The following MLXIPL variants were observed in gnomAD, a reference collection of about 807,000 sequenced individuals.
The protein encoded by MLXIPL is MLX interacting protein like.
Under a neutral mutation model 81.5 loss-of-function variants are expected in MLXIPL, and 49 were observed. The ratio of observed to expected loss-of-function variants is 0.60; its 90% CI spans 0.48 to 0.76. The LOEUF is 0.76. Ranked by LOEUF, MLXIPL falls within the 30% of genes least tolerant of loss-of-function variation. MLXIPL has a pLI of 0.00. For synonymous variants in MLXIPL, 466 were observed against 485.5 expected, an observed-to-expected ratio of 0.96 and a Z score of 0.53; for missense variants, 1,053 against 1,167.0, an observed-to-expected ratio of 0.90 and a Z score of 1.42.
At chr7:73,646,761 C>T in the MLXIPL span, among the ~76,000 whole-genome samples, 1 of 152,202 alleles carries the variant, frequency 6.6e-6, no homozygotes, top group Non-Finnish European at 1.5e-5. Flanking sequence ...TATTCTGAGA[C>T]TTCTCCTGCA....
chr7:73,633,916 G>T, the MLXIPL span, among the ~76,000 whole-genome samples: 1 of 152,286 alleles, frequency 6.6e-6, no homozygotes, highest in African/African-American at 2.4e-5. Flanking sequence ...GTGCGGGGAC[G>T]AGGGAGATGA....
In MLXIPL at chr7:73,605,656, G is replaced by A. The variant is rs72649024; in HGVS notation, c.901+32C>T. 5.5e-3 allele frequency: 8,874 copies of A among 1,609,412 alleles called. 37 individuals are homozygous for A. Among genetic ancestry groups the A allele is most frequent in the Non-Finnish European group, 6.5e-3 (7,701 of 1,177,000 alleles). On this transcript the variant is annotated intron_variant, in intron 7 of 16. Coordinates refer to ENST00000313375, the MANE Select transcript of MLXIPL (RefSeq NM_032951.3). ...GGCCTTCCTCACACAGACCCTGCCCGTCCACCCGACCTGGGGAGGGGCTCG... is the reference window on the plus strand; with the variant it reads ...GGCCTTCCTCACACAGACCCTGCCCATCCACCCGACCTGGGGAGGGGCTCG...
chr7:73,618,107 A>AT (rs1434381506), intron 1 of MLXIPL, among the ~76,000 whole-genome samples: 1 of 151,816 alleles, frequency 6.6e-6, no homozygotes, highest in Non-Finnish European at 1.5e-5. Context: ...CCATTTTTTC[A>AT]TTTTTTTGAG....
chr7:73,628,563 A>G (rs1796788182), upstream of MLXIPL, among the ~76,000 whole-genome samples: 1 of 151,786 alleles, frequency 6.6e-6, no homozygotes, highest in Non-Finnish European at 1.5e-5. Context: ...TGGCACAATC[A>G]TAGCTCACTG....
chr7:73,646,529 C>T, the MLXIPL span, among the ~76,000 whole-genome samples: 8 of 152,180 alleles, frequency 5.3e-5, no homozygotes, highest in African/African-American at 1.9e-4. Flanking sequence ...TGAGCCCCAA[C>T]CCTGATTCTA....
chr7:73,595,414 C>G (rs973528583), intron 15 of MLXIPL, among the ~76,000 whole-genome samples: 1 of 152,192 alleles, frequency 6.6e-6, no homozygotes. Flanking sequence ...CCCAAGGACT[C>G]CTCCCTCAGT....
chr7:73,606,822 C>T (rs1795317666), intron 5 of MLXIPL, 152 bp downstream of exon 5: 1 of 872,170 alleles, frequency 1.1e-6, no homozygotes. Flanking sequence ...AAGAGCTCAA[C>T]AAATGAACCA....
At chr7:73,640,422 GAA>G in the MLXIPL span, among the ~76,000 whole-genome samples, 6,259 of 145,664 alleles carry the variant, frequency 0.043, 162 homozygotes, top group Non-Finnish European at 0.059. Flanking sequence ...AAAAGAAAAA[GAA>G]AAAAAGAAAT....
At chr7:73,646,231 C>A in the MLXIPL span, among the ~76,000 whole-genome samples, 1 of 152,176 alleles carries the variant, frequency 6.6e-6, no homozygotes, top group Non-Finnish European at 1.5e-5. Context: ...AGGGCCATTG[C>A]CTGAAGGCAC....
intron 9 of MLXIPL, 107 bp from the exon 10 acceptor site, chr7:73,597,039 C>T (rs1794388180): frequency 5.5e-6 from 8 of 1,455,440 alleles, no homozygotes; most frequent in Non-Finnish European, 6.6e-6. Flanking sequence ...TAGGTACAGG[C>T]CCCACATCCC....
the MLXIPL span, among the ~76,000 whole-genome samples, chr7:73,633,497 T>G: frequency 3.9e-5 from 6 of 151,988 alleles, no homozygotes; most frequent in Non-Finnish European, 8.8e-5. Flanking sequence ...ATTTTTGAAT[T>G]TTTTTGTGGA....
intron 7 of MLXIPL, 25 bp from the exon 8 acceptor site, chr7:73,599,720 C>T (rs1554595479): frequency 6.3e-7 from 1 of 1,595,356 alleles, no homozygotes; most frequent in South Asian, 1.1e-5. Context: ...CACAGGGCAA[C>T]AGCAGTTAGG....
intron 15 of MLXIPL, 112 bp downstream of exon 15, chr7:73,595,525 G>A (rs1044301911): frequency 1.0e-5 from 16 of 1,605,632 alleles, no homozygotes; most frequent in Middle Eastern, 1.7e-4. Context: ...TCACCTGGGA[G>A]CAGCTCTGAG....
At chr7:73,637,856 T>C in the MLXIPL span, among the ~76,000 whole-genome samples, 2 of 152,178 alleles carry the variant, frequency 1.3e-5, no homozygotes, top group African/African-American at 4.8e-5. Flanking sequence ...GGGCCTGCCC[T>C]TTATGCTAAG....
chr7:73,618,879 C>T (rs1200416280), intron 1 of MLXIPL, among the ~76,000 whole-genome samples: 5 of 152,186 alleles, frequency 3.3e-5, no homozygotes, highest in Admixed American at 2.6e-4. Context: ...CCTTCTCTCC[C>T]GCTTCCATGC....
At chr7:73,624,771 G>C (rs1554603360), upstream of MLXIPL, among the ~76,000 whole-genome samples, 2 of 152,154 alleles carry the variant, frequency 1.3e-5, no homozygotes, top group South Asian at 4.1e-4. Context: ...ATTAAGAAAG[G>C]TCAGGCCGGA....
the MLXIPL span, among the ~76,000 whole-genome samples, chr7:73,641,532 G>A: frequency 1.3e-5 from 2 of 152,048 alleles, no homozygotes; most frequent in African/African-American, 2.4e-5. Context: ...TAAAAATTCC[G>A]ATAGCCACCG....
the MLXIPL span, among the ~76,000 whole-genome samples, chr7:73,643,556 T>C: frequency 6.6e-6 from 1 of 151,670 alleles, no homozygotes; most frequent in Admixed American, 6.6e-5. Context: ...TCATCCAGGT[T>C]ACACAGTTCA....
chr7:73,639,307 T>C, the MLXIPL span, among the ~76,000 whole-genome samples: 1 of 152,236 alleles, frequency 6.6e-6, no homozygotes, highest in Non-Finnish European at 1.5e-5. Context: ...AGGTACTCTT[T>C]GACCCATCAA....
Sources: gnomAD v4.1 joint callset for allele counts (sites outside exome capture counted in the v4.1 genomes callset) on GRCh38, gnomAD v4.1.1 for gene constraint, MANE v1.5 for transcripts, NCBI Gene and HGNC (gene_info 2026-07-23, HGNC 2026-07-21) for gene names.